The following RASGEF1C variants were observed in gnomAD, a reference collection of about 807,000 sequenced individuals.
RASGEF1C encodes ras-GEF domain-containing family member 1C.
Under a neutral mutation model 58.1 loss-of-function variants are expected in RASGEF1C, and 27 were observed. The observed-to-expected ratio is 0.46, with a 90% CI of 0.34 to 0.64. The LOEUF (loss-of-function observed/expected upper bound fraction) is 0.64. Among genes scored for constraint, RASGEF1C ranks in the 30% least tolerant of loss-of-function variants. The pLI is 0.01. For missense variants in RASGEF1C, 502 were observed against 605.1 expected, an observed-to-expected ratio of 0.83 and a Z score of 1.79; for synonymous variants, 243 against 246.3, an observed-to-expected ratio of 0.99 and a Z score of 0.13.
chr5:180,127,283 G>A (rs1290692732), intron 6 of RASGEF1C, among the ~76,000 whole-genome samples: 1 of 152,118 alleles, frequency 6.6e-6, no homozygotes, highest in Non-Finnish European at 1.5e-5. Context: ...GCGCGCCAGG[G>A]GGCCCTCCAC....
intron 1 of RASGEF1C, among the ~76,000 whole-genome samples, chr5:180,149,565 C>T (rs1268358080): frequency 1.3e-5 from 2 of 152,058 alleles, no homozygotes; most frequent in African/African-American, 2.4e-5. Context: ...AAGCGATTCT[C>T]CTGCCTCGGC....
intron 1 of RASGEF1C, among the ~76,000 whole-genome samples, chr5:180,151,626 C>T (rs1373001841): frequency 2.0e-5 from 3 of 151,352 alleles, no homozygotes; most frequent in African/African-American, 7.3e-5. Context: ...TAGAAGAAAA[C>T]CTAGGCAATA....
At chr5:180,179,040 T>C (rs1194981783) in intron 1 of RASGEF1C, among the ~76,000 whole-genome samples, 1 of 151,692 alleles carries the variant, frequency 6.6e-6, no homozygotes, top group African/African-American at 2.4e-5. Flanking sequence ...TTTATGACCA[T>C]GGGATAGTCC....
At chr5:180,202,042 CAGAAA>C (rs1756404277) in intron 1 of RASGEF1C, among the ~76,000 whole-genome samples, 1 of 151,914 alleles carries the variant, frequency 6.6e-6, no homozygotes, top group South Asian at 2.1e-4. Flanking sequence ...AAAAACTCAA[CAGAAA>C]TGGACCCAAA....
intron 1 of RASGEF1C, among the ~76,000 whole-genome samples, chr5:180,163,169 A>G (rs1179551333): frequency 1.4e-5 from 2 of 147,542 alleles, no homozygotes; most frequent in East Asian, 3.9e-4. Context: ...TTGTCTGTAA[A>G]CAGACAGTTT....
At position 180,115,831 on chromosome 5, in the gene RASGEF1C, G is replaced by A. The variant is rs571658596; in HGVS notation, c.1084-1290C>T. On this transcript the variant is annotated intron_variant, in intron 10 of 13. Coordinates refer to ENST00000361132, the MANE Select transcript of RASGEF1C (RefSeq NM_175062.4). ...CCAGGTGGCTCTGCCCTAGTGCCCCGTCCTACCTCTTCCTCACTGTGCCGG... is the reference window on the plus strand; with the variant it reads ...CCAGGTGGCTCTGCCCTAGTGCCCCATCCTACCTCTTCCTCACTGTGCCGG... Among the ~76,000 whole-genome samples the A allele has an allele frequency of 6.8e-4, 104 of 151,996 alleles. 1 individual carries two copies. The South Asian group carries it at 0.01, about 15-fold the overall frequency.
At chr5:180,200,559 C>T (rs1409241851) in intron 1 of RASGEF1C, among the ~76,000 whole-genome samples, 3 of 151,852 alleles carry the variant, frequency 2.0e-5, no homozygotes, top group African/African-American at 7.3e-5. Flanking sequence ...GTGATCCGCC[C>T]ACCTCGGCTT....
At chr5:180,202,083 G>A (rs1205611566) in intron 1 of RASGEF1C, among the ~76,000 whole-genome samples, 2 of 152,046 alleles carry the variant, frequency 1.3e-5, no homozygotes, top group Non-Finnish European at 2.9e-5. Context: ...AATTAGAGTT[G>A]CCTGAACTCA....
rs186362589 is a variant in RASGEF1C at position 180,199,002 on chromosome 5, C to G, written c.-7+10026G>C. 6.9e-4 allele frequency among the ~76,000 whole-genome samples: 105 copies of G among 152,188 alleles called. 1 individual carries two copies. The highest frequency in any genetic ancestry group is 2.3e-3 in the African/African-American group (96 of 41,536). On this transcript the variant is annotated intron_variant, in intron 1 of 13. Transcript: ENST00000361132. ...AAACTGAGGCAGGAGCCCAACAGTA[C>G]CACAGCACATCCTGGCAAAGCCTAC...
At chr5:180,175,620 C>T (rs1767212260) in intron 1 of RASGEF1C, among the ~76,000 whole-genome samples, 1 of 152,248 alleles carries the variant, frequency 6.6e-6, no homozygotes, top group Admixed American at 6.5e-5. Flanking sequence ...CTCATGTCCC[C>T]CGCATCAATC....
chr5:180,175,568 G>A (rs551418926), intron 1 of RASGEF1C, among the ~76,000 whole-genome samples: 71 of 152,302 alleles, frequency 4.7e-4, no homozygotes, highest in African/African-American at 1.6e-3. Flanking sequence ...GCCACACTCG[G>A]GACATTTCCC....
chr5:180,144,596 A>AC (rs1165836480), intron 1 of RASGEF1C, among the ~76,000 whole-genome samples: 1 of 152,084 alleles, frequency 6.6e-6, no homozygotes, highest in African/African-American at 2.4e-5. Flanking sequence ...CTGTGACTGC[A>AC]CCACTGCACT....
intron 13 of RASGEF1C, 50 bp downstream of exon 13, chr5:180,102,021 G>A (rs769084063): frequency 9.7e-6 from 9 of 923,934 alleles, no homozygotes. Context: ...TCACCTTAGA[G>A]CTTTCCATCC....
At chr5:180,123,334 A>G (rs1205647867) in intron 6 of RASGEF1C, among the ~76,000 whole-genome samples, 1 of 152,250 alleles carries the variant, frequency 6.6e-6, no homozygotes, top group Non-Finnish European at 1.5e-5. Context: ...GGGAGATTGA[A>G]AAAGAAAAAC....
At chr5:180,170,602 C>A (rs984963130) in intron 1 of RASGEF1C, among the ~76,000 whole-genome samples, 7 of 152,286 alleles carry the variant, frequency 4.6e-5, no homozygotes, top group South Asian at 2.1e-4. Context: ...CTGAGACCTG[C>A]CAAAGTCACC....
chr5:180,159,559 G>A (rs145966178), intron 1 of RASGEF1C, among the ~76,000 whole-genome samples: 33 of 152,350 alleles, frequency 2.2e-4, no homozygotes, highest in African/African-American at 7.2e-4. Context: ...CCACTCAGAT[G>A]TCTGGGACTC....
At chr5:180,151,734 A>C (rs1283426869) in intron 1 of RASGEF1C, among the ~76,000 whole-genome samples, 2 of 152,030 alleles carry the variant, frequency 1.3e-5, no homozygotes, top group Non-Finnish European at 2.9e-5. Flanking sequence ...TAATTAAACT[A>C]AAGAGCTTCT....
chr5:180,203,526 C>T (rs980321848), intron 1 of RASGEF1C, among the ~76,000 whole-genome samples: 12 of 152,230 alleles, frequency 7.9e-5, no homozygotes, highest in Non-Finnish European at 1.6e-4. Context: ...GCAAATCCTT[C>T]CCTAGCTGAG....
intron 1 of RASGEF1C, among the ~76,000 whole-genome samples, chr5:180,176,375 G>T (rs1767225536): frequency 6.6e-6 from 1 of 152,190 alleles, no homozygotes; most frequent in African/African-American, 2.4e-5. Flanking sequence ...CATCAATCCA[G>T]TCACCACAAT....
Sources: gnomAD v4.1 joint callset for allele counts (sites outside exome capture counted in the v4.1 genomes callset) on GRCh38, gnomAD v4.1.1 for gene constraint, MANE v1.5 for transcripts, NCBI Gene and HGNC (gene_info 2026-07-23, HGNC 2026-07-21) for gene names.